ZNF536: variants seen among roughly 807,000 people sequenced by gnomAD.
ZNF536 encodes zinc finger protein 536.
A neutral mutation model predicts 84.5 loss-of-function variants in ZNF536; 13 were observed. The ratio of observed to expected loss-of-function variants is 0.15; its 90% confidence interval spans 0.10 to 0.24. ZNF536 has a LOEUF of 0.24. ZNF536 is among the 10% of genes least tolerant of loss of function. The pLI is 1.00. For synonymous variants in ZNF536, 811 were observed against 742.5 expected (o/e 1.09, Z -1.50); for missense variants, 1,536 against 1,747.5 (o/e 0.88, Z 2.16).
chr19:30,573,691 TA>T (rs2046630903), intron 1 of ZNF536, among the ~76,000 whole-genome samples: 1 of 152,328 alleles, frequency 6.6e-6, no homozygotes, highest in Non-Finnish European at 1.5e-5. Context: ...ATCACATGGA[TA>T]GAGAGCAGGA....
At chr19:30,457,159 T>G (rs543069357) in intron 2 of ZNF536, among the ~76,000 whole-genome samples, 2 of 152,304 alleles carry the variant, frequency 1.3e-5, no homozygotes, top group Admixed American at 6.5e-5. Context: ...ATGGGAGGGT[T>G]TACCCTGGGG....
chr19:30,608,379 T>C (rs542700945), intron 1 of ZNF536, among the ~76,000 whole-genome samples: 1 of 152,126 alleles, frequency 6.6e-6, no homozygotes, highest in Non-Finnish European at 1.5e-5. Context: ...AGCAGGTGAA[T>C]GTTTTTCATG....
At chr19:30,334,990 A>G (rs764784377) in intron 2 of ZNF536, among the ~76,000 whole-genome samples, 5 of 152,044 alleles carry the variant, frequency 3.3e-5, no homozygotes, top group Non-Finnish European at 7.4e-5. Context: ...CTCTCTGCTC[A>G]CCTCCTGCTC....
At chr19:30,481,058 G>A (rs2054066829) in intron 2 of ZNF536, among the ~76,000 whole-genome samples, 1 of 151,790 alleles carries the variant, frequency 6.6e-6, no homozygotes, top group Non-Finnish European at 1.5e-5. Flanking sequence ...TGGGTTGGGG[G>A]GCTTTTTAGC....
At chr19:30,394,947 G>A (rs1321834931) in intron 1 of ZNF536, among the ~76,000 whole-genome samples, 2 of 152,214 alleles carry the variant, frequency 1.3e-5, no homozygotes, top group Admixed American at 6.5e-5. Flanking sequence ...CACTGGTTTC[G>A]GAGTCTTGCA....
At chr19:30,383,753 CTTTCTCTT>C in intron 1 of ZNF536, among the ~76,000 whole-genome samples, 6 of 5,384 alleles carry the variant, frequency 1.1e-3, no homozygotes, top group Admixed American at 3.0e-3. Flanking sequence ...CTCTTTCTTT[CTTTCTCTT>C]TCTTTCTTTC....
At chr19:30,621,641 G>A (rs1208934199) in intron 1 of ZNF536, among the ~76,000 whole-genome samples, 1 of 152,238 alleles carries the variant, frequency 6.6e-6, no homozygotes, top group Non-Finnish European at 1.5e-5. Flanking sequence ...CTATGTTTTT[G>A]TTTTAAACCT....
intron 1 of ZNF536, among the ~76,000 whole-genome samples, chr19:30,389,282 G>A (rs1429058046): frequency 1.3e-5 from 2 of 152,298 alleles, no homozygotes; most frequent in East Asian, 1.9e-4. Flanking sequence ...TGATACTCGT[G>A]TATAGGGTAC....
intron 1 of ZNF536, among the ~76,000 whole-genome samples, chr19:30,649,891 T>G (rs2049632931): frequency 6.9e-6 from 1 of 144,550 alleles, no homozygotes; most frequent in African/African-American, 2.7e-5. Context: ...TTAAGTATAT[T>G]TGCTTTGATA....
chr19:30,366,365 T>TATCTATCTATC (rs1370202073), intron 3 of ZNF536, among the ~76,000 whole-genome samples: 1 of 138,682 alleles, frequency 7.2e-6, no homozygotes, highest in African/African-American at 2.9e-5. Flanking sequence ...ATCATATCTC[T>TATCTATCTATC]ATCTATCTAT....
At chr19:30,532,492 CA>C (rs2044879484) in intron 2 of ZNF536, among the ~76,000 whole-genome samples, 2 of 152,214 alleles carry the variant, frequency 1.3e-5, no homozygotes, top group Non-Finnish European at 2.9e-5. Context: ...ACATCCAGGA[CA>C]CCTTAGTCCT....
chr19:30,503,144 G>A (rs1199910657), intron 2 of ZNF536, among the ~76,000 whole-genome samples: 1 of 149,924 alleles, frequency 6.7e-6, no homozygotes, highest in Admixed American at 6.7e-5. Flanking sequence ...ATATTTCTAA[G>A]CAGCATGTGT....
rs1316188880 is a variant in ZNF536, at chr19:30,444,391, A to G, written c.829A>G (p.Thr277Ala). The G allele has an allele frequency of 6.2e-7, 1 of 1,606,416 alleles. No individual in the cohort carries two copies. The highest frequency in any genetic ancestry group is 1.3e-5 in the African/African-American group (1 of 74,932). The part of the protein sequence containing the change: ...AVAPAAGFRC[T>A]FCKGKFKKRE... ...GGCCCCGGCGGCGGGCTTCCGCTGT[A>G]CCTTCTGCAAGGGCAAGTTCAAGAA... Residue 277 changes from threonine (T) to alanine (A), a missense_variant, in exon 2 of 5, where the codon ACC becomes GCC. By Grantham distance (58) the Thr-to-Ala change is moderately conservative (BLOSUM62 0). Coordinates refer to ENST00000355537, the MANE Select transcript of ZNF536 (RefSeq NM_014717.3).
At chr19:30,336,313 C>G (rs1299166559) in intron 2 of ZNF536, among the ~76,000 whole-genome samples, 3 of 152,194 alleles carry the variant, frequency 2.0e-5, no homozygotes, top group Admixed American at 1.3e-4. Flanking sequence ...TTTGTTTCTC[C>G]AGCGCCTGGC....
At chr19:30,501,809 G>T (rs1040199578) in intron 2 of ZNF536, among the ~76,000 whole-genome samples, 1 of 152,220 alleles carries the variant, frequency 6.6e-6, no homozygotes, top group African/African-American at 2.4e-5. Flanking sequence ...GCCTGAGGTT[G>T]CAATTTTTTG....
At chr19:30,328,198 T>C (rs2047097936) in intron 2 of ZNF536, among the ~76,000 whole-genome samples, 1 of 151,724 alleles carries the variant, frequency 6.6e-6, no homozygotes. Context: ...CCAGGGGAGG[T>C]GGGGAGGCAT....
chr19:30,456,567 G>A (rs975505567), intron 2 of ZNF536, among the ~76,000 whole-genome samples: 1 of 152,082 alleles, frequency 6.6e-6, no homozygotes, highest in African/African-American at 2.4e-5. Flanking sequence ...TTGTACTGAA[G>A]CCTGTCTCCC....
intron 2 of ZNF536, among the ~76,000 whole-genome samples, chr19:30,486,725 A>G (rs1285638224): frequency 6.6e-6 from 1 of 152,240 alleles, no homozygotes; most frequent in African/African-American, 2.4e-5. Context: ...CCAATGGTGT[A>G]AAAACGTTCC....
intron 2 of ZNF536, among the ~76,000 whole-genome samples, chr19:30,484,664 TTTCTTC>T (rs149796898): frequency 0.18 from 26,967 of 146,190 alleles, 3,546 homozygotes; most frequent in African/African-American, 0.4. Flanking sequence ...CACTTTCTTT[TTTCTTC>T]TTCTTCTTCT....
Sources: allele counts gnomAD v4.1 joint callset (sites outside exome capture counted in the v4.1 genomes callset), GRCh38; gene constraint gnomAD v4.1.1; transcripts MANE v1.5; gene names NCBI Gene and HGNC (gene_info 2026-07-23, HGNC 2026-07-21).